Variants in PCNX2 observed in about 807,000 individuals in gnomAD.
The protein encoded by PCNX2 is pecanex 2, also known as pecanex-like protein 2.
In PCNX2, 168 loss-of-function variants were observed where a neutral mutation model predicts 223.8. That is an observed-to-expected ratio of 0.75 (90% CI 0.66 to 0.85). PCNX2 has a LOEUF of 0.85. PCNX2 is among the 40% of genes least tolerant of loss of function. The pLI, the probability that PCNX2 is intolerant of heterozygous loss-of-function variation, is 0.00. For missense variants in PCNX2, 2,507 were observed against 2,675.5 expected (o/e 0.94, Z 1.39); for synonymous variants, 1,006 against 1,052.6 (o/e 0.96, Z 0.86).
intron 25 of PCNX2, among the ~76,000 whole-genome samples, chr1:233,033,688 T>G (rs1671348714): frequency 6.6e-6 from 1 of 152,194 alleles, no homozygotes; most frequent in Non-Finnish European, 1.5e-5. Flanking sequence ...ATGGTTGAAG[T>G]GCAATAAAGC....
At chr1:233,279,421 G>GTGTGTGTGTGTGTGTGTA (rs1661076618) in intron 1 of PCNX2, among the ~76,000 whole-genome samples, 1 of 148,952 alleles carries the variant, frequency 6.7e-6, no homozygotes, top group Non-Finnish European at 1.5e-5. Context: ...GTGTGTGTGT[G>GTGTGTGTGTGTGTGTGTA]TAAAATATTT....
intron 15 of PCNX2, among the ~76,000 whole-genome samples, chr1:233,186,277 C>T (rs901863822): frequency 2.0e-4 from 31 of 152,158 alleles, no homozygotes; most frequent in Admixed American, 4.6e-4. Context: ...AAAATAAGAA[C>T]GAGATTGTAC....
At chr1:233,031,612 A>G (rs1671266726) in intron 25 of PCNX2, among the ~76,000 whole-genome samples, 3 of 152,186 alleles carry the variant, frequency 2.0e-5, no homozygotes, top group Non-Finnish European at 4.4e-5. Context: ...CGTAATGCAC[A>G]TTCAGAGCTA....
chr1:233,017,701 T>C (rs1670734939), intron 26 of PCNX2, among the ~76,000 whole-genome samples: 1 of 152,216 alleles, frequency 6.6e-6, no homozygotes, highest in African/African-American at 2.4e-5. Flanking sequence ...TTGTATTTTC[T>C]GCTGGGTGTA....
At chr1:233,155,153 C>A (rs192798711) in intron 19 of PCNX2, among the ~76,000 whole-genome samples, 2 of 151,794 alleles carry the variant, frequency 1.3e-5, no homozygotes, top group East Asian at 3.9e-4. Context: ...TCAATAGGCA[C>A]TATCATAGTG....
chr1:233,309,737 G>C, the PCNX2 span, among the ~76,000 whole-genome samples: 1 of 151,774 alleles, frequency 6.6e-6, no homozygotes, highest in Non-Finnish European at 1.5e-5. Flanking sequence ...AATTAGACAG[G>C]CATGGTGGTG....
chr1:233,101,303 G>A (rs1394761212), intron 21 of PCNX2, among the ~76,000 whole-genome samples: 2 of 152,174 alleles, frequency 1.3e-5, no homozygotes, highest in African/African-American at 2.4e-5. Flanking sequence ...TCTGGGGGAG[G>A]GGAAGCACCA....
chr1:233,259,702 T>C (rs1308462024), intron 4 of PCNX2, among the ~76,000 whole-genome samples: 1 of 152,170 alleles, frequency 6.6e-6, no homozygotes. Context: ...CAACTCCCAT[T>C]TATGAGTGAG....
the PCNX2 span, among the ~76,000 whole-genome samples, chr1:233,310,024 G>T: frequency 3.3e-5 from 5 of 152,110 alleles, no homozygotes; most frequent in African/African-American, 1.2e-4. Context: ...TAATTGATAT[G>T]TGTATGTCAA....
chr1:233,039,333 C>T (rs1000385479), intron 25 of PCNX2, among the ~76,000 whole-genome samples: 8 of 152,158 alleles, frequency 5.3e-5, no homozygotes, highest in African/African-American at 1.9e-4. Context: ...GGTGTTCATG[C>T]TCCTCTACCA....
chr1:233,131,560 C>T (rs969761636), intron 21 of PCNX2, among the ~76,000 whole-genome samples: 7 of 152,076 alleles, frequency 4.6e-5, no homozygotes, highest in Non-Finnish European at 1.0e-4. Context: ...TCACTATATT[C>T]TTTTTCATCA....
At chr1:233,144,953 GTT>G (rs71173252) in intron 19 of PCNX2, among the ~76,000 whole-genome samples, 36,711 of 137,106 alleles carry the variant, frequency 0.27, 5,450 homozygotes, top group African/African-American at 0.43. Context: ...TTGTTGTTTT[GTT>G]TTTTTTTTTT....
chr1:232,985,949 C>T (rs1349859676), intron 33 of PCNX2, 143 bp downstream of exon 33: 1 of 910,942 alleles, frequency 1.1e-6, no homozygotes, highest in African/African-American at 1.7e-5. Flanking sequence ...AATCACTGTC[C>T]TTTGTCACTC....
chr1:233,014,659 AG>A lies in PCNX2; in HGVS notation c.4952+5del, dbSNP rs1420197960. ...CTAAGAGATTCTAACTTCTCCCCCCAGGTACCTGATGGCCATATTGTGAGCG... is the reference window on the plus strand; with the variant it reads ...CTAAGAGATTCTAACTTCTCCCCCCAGTACCTGATGGCCATATTGTGAGCG... On this transcript the variant is annotated splice_donor_5th_base_variant and intron_variant, in intron 28 of 33. Transcript: ENST00000258229. 1 of 1,611,488 alleles carries A rather than the reference AG, an allele frequency of 6.2e-7. No individual in the cohort carries two copies. The highest frequency in any genetic ancestry group is 1.1e-5 in the South Asian group (1 of 90,988).
At position 233,067,197 on chromosome 1, in the gene PCNX2, C is replaced by G. The variant is rs1183329590; in HGVS notation, c.4077-9907G>C. Among the ~76,000 whole-genome samples the G allele has an allele frequency of 2.6e-5, 4 of 151,158 alleles. No individual in the cohort carries two copies. In the East Asian group the frequency reaches 7.8e-4, roughly 29 times the overall value. On this transcript the variant is annotated intron_variant, in intron 23 of 33. Coordinates refer to ENST00000258229, the MANE Select transcript of PCNX2 (RefSeq NM_014801.4). ...ATGTCCAGAGTTGAATAGAAAAGTA[C>G]TTACAATCAGAAACAAACAGGAAGA... is the stretch of plus-strand genomic sequence containing the variant.
intron 26 of PCNX2, among the ~76,000 whole-genome samples, chr1:233,017,531 T>G (rs2102821160): frequency 6.6e-6 from 1 of 152,196 alleles, no homozygotes; most frequent in African/African-American, 2.4e-5. Context: ...TTAGCCAGGA[T>G]GGTCTCGATC....
At chr1:233,195,818 T>C (rs1572056037) in intron 15 of PCNX2, among the ~76,000 whole-genome samples, 2 of 152,186 alleles carry the variant, frequency 1.3e-5, no homozygotes, top group African/African-American at 4.8e-5. Flanking sequence ...TGTTCATGGA[T>C]CAAAAAGTTA....
chr1:233,087,387 T>C (rs1673658823), intron 23 of PCNX2, among the ~76,000 whole-genome samples: 1 of 152,118 alleles, frequency 6.6e-6, no homozygotes, highest in South Asian at 2.1e-4. Context: ...GAATGTCTTT[T>C]CAGGCGGCCC....
At chr1:233,327,121 C>T in the PCNX2 span, among the ~76,000 whole-genome samples, 4 of 152,168 alleles carry the variant, frequency 2.6e-5, no homozygotes, top group African/African-American at 9.7e-5. Context: ...GATTCTGTCA[C>T]TCTCCCTGAA....
Sources: allele counts gnomAD v4.1 joint callset (sites outside exome capture counted in the v4.1 genomes callset), GRCh38; gene constraint gnomAD v4.1.1; transcripts MANE v1.5; gene names NCBI Gene and HGNC (gene_info 2026-07-23, HGNC 2026-07-21).